The following GDF5 variants were observed in gnomAD, a reference collection of about 807,000 sequenced individuals.
GDF5 encodes the protein growth/differentiation factor 5.
A neutral mutation model predicts 34.6 loss-of-function variants in GDF5; 17 were observed. The ratio of observed to expected loss-of-function variants is 0.49; its 90% confidence interval spans 0.34 to 0.74. The LOEUF is 0.74. Among genes scored for constraint, GDF5 ranks in the 30% least tolerant of loss-of-function variants. The pLI is 0.01. For synonymous variants in GDF5, 332 were observed against 290.7 expected (o/e 1.14, Z -1.44); for missense variants, 616 against 661.2 (o/e 0.93, Z 0.75).
chr20:35,438,668 C>G (rs1005678228), upstream of GDF5, among the ~76,000 whole-genome samples: 3 of 152,198 alleles, frequency 2.0e-5, no homozygotes, highest in African/African-American at 7.2e-5. Flanking sequence ...CCTCATGGAG[C>G]AGCCCACCCC....
intron 1 of GDF5, among the ~76,000 whole-genome samples, chr20:35,452,711 C>T (rs865963147): frequency 2.7e-5 from 4 of 150,374 alleles, no homozygotes; most frequent in Admixed American, 6.6e-5. Context: ...CGTGAGCCAC[C>T]GCACCCGGCC....
rs2062451167 is a variant in GDF5, at chr20:35,433,377, C to CAATATACATTTAATAGATTA, written c.*531_*532insTAATCTATTAAATGTATATT. 1.6e-5 allele frequency: 5 copies of CAATATACATTTAATAGATTA among 317,638 alleles called. No homozygotes were observed. Among genetic ancestry groups the CAATATACATTTAATAGATTA allele is most frequent in the Non-Finnish European group, 2.5e-5 (4 of 160,636 alleles). The allele number at this position is 317,638 out of a possible 1,614,324, so 19.7% of individuals were successfully genotyped here. A position where few individuals can be genotyped will look rare whatever the true frequency, so the allele number is the denominator to read the frequency against. ...GGCACAGTTTTGCTTTTTATCTCAT[C>CAATATACATTTAATAGATTA]AATATACATTTAAATCTAACAGTCT... On this transcript the variant is annotated 3_prime_UTR_variant, in exon 2 of 2. Transcript: ENST00000374369.
At position 35,434,206 on chromosome 20, in the gene GDF5, C is replaced by A. The variant is rs150867739; in HGVS notation, c.1209G>T (p.Lys403Asn). 4.1e-5 allele frequency: 66 copies of A among 1,614,090 alleles called. No individual in the cohort carries two copies. The highest frequency in any genetic ancestry group is 5.4e-5 in the Non-Finnish European group (64 of 1,180,022). Residue 403 changes from lysine (K) to asparagine (N), a missense_variant, in exon 2 of 2, where the codon AAG (lysine) becomes AAT (asparagine). Physicochemically the swap from Lys to Asn is moderately conservative, Grantham distance 94. Coordinates refer to ENST00000374369, the MANE Select transcript of GDF5 (RefSeq NM_000557.5). Reference sequence around the variant, plus strand: ...TGTCCTTGAAGTTGACATGCAGTGCCTTCCGACTGCAGCGAGCCTTAAGGT... The same window carrying A: ...TGTCCTTGAAGTTGACATGCAGTGCATTCCGACTGCAGCGAGCCTTAAGGT... The part of the protein sequence containing the change: ...SKNLKARCSR[K>N]ALHVNFKDMG...
Position 35,437,875 on chromosome 20 carries a change from G to A in GDF5, c.54C>T (p.Asp18=), listed in dbSNP as rs2062481646. 1.9e-6 allele frequency: 3 copies of A among 1,614,026 alleles called. No homozygotes were observed. Among genetic ancestry groups the A allele is most frequent in the Non-Finnish European group, 2.5e-6 (3 of 1,180,032 alleles). Residue 18 remains aspartate, a synonymous_variant, in exon 1 of 2, where the codon GAC becomes GAT. Transcript: ENST00000374369. ...TFLLWYLAWL[D]LEFICTVLGA... is the part of the protein sequence containing the mutation. ...CCAACACAGTGCAGATGAATTCCAG[G>A]TCCAGCCAAGCCAGGTACCAAAGCA...
At chr20:35,438,898 T>C (rs543243989), upstream of GDF5, among the ~76,000 whole-genome samples, 370 of 151,904 alleles carry the variant, frequency 2.4e-3, no homozygotes, top group African/African-American at 8.5e-3. Context: ...TGTGTGTGTG[T>C]GCCTGTGTGT....
chr20:35,435,028 T>C (rs1389389004), intron 1 of GDF5: 2 of 632,674 alleles, frequency 3.2e-6, no homozygotes, highest in African/African-American at 1.8e-5. Context: ...TGCGTGATTC[T>C]GGTGTTTGTG....
At chr20:35,436,149 T>C (rs1186699363) in intron 1 of GDF5, among the ~76,000 whole-genome samples, 2 of 152,200 alleles carry the variant, frequency 1.3e-5, no homozygotes, top group African/African-American at 4.8e-5. Flanking sequence ...TATATTGCTC[T>C]AGAAGGTGAC....
At position 35,437,807 on chromosome 20, in the gene GDF5, C is replaced by A; in HGVS notation, c.122G>T (p.Gly41Val). Residue 41 changes from glycine to valine, a missense_variant, in exon 1 of 2, where the codon GGA becomes GTA. By Grantham distance (109) the Gly-to-Val change is moderately radical (BLOSUM62 -3). Coordinates refer to ENST00000374369, the MANE Select transcript of GDF5 (RefSeq NM_000557.5). ...CTCCTTGGCCTCTGCTTTGGCCAAT[C>A]CTGGCCTGGTCCCCTGGGGTCTCTG... is the stretch of plus-strand genomic sequence containing the variant. The part of the protein sequence containing the change: ...LGQRPQGTRP[G>V]LAKAEAKERP... The A allele has an allele frequency of 6.2e-7, 1 of 1,613,556 alleles. No individual in the cohort carries two copies. Among genetic ancestry groups the A allele is most frequent in the Non-Finnish European group, 8.5e-7 (1 of 1,179,708 alleles).
chr20:35,439,908 C>CTTTTT (rs34397706), upstream of GDF5, among the ~76,000 whole-genome samples: 53 of 71,678 alleles, frequency 7.4e-4, 3 homozygotes, highest in African/African-American at 1.6e-3. Flanking sequence ...AGGCTTCCTT[C>CTTTTT]TTTTTTTTTT....
At chr20:35,442,992 G>T (rs2062502838), upstream of GDF5, among the ~76,000 whole-genome samples, 1 of 152,228 alleles carries the variant, frequency 6.6e-6, no homozygotes, top group Non-Finnish European at 1.5e-5. Flanking sequence ...ACTGGGGAAA[G>T]TTACAGTATT....
chr20:35,448,445 C>G (rs563887806), intron 1 of GDF5, among the ~76,000 whole-genome samples: 1 of 117,652 alleles, frequency 8.5e-6, no homozygotes, highest in African/African-American at 3.0e-5. Context: ...AGGGCCCCCC[C>G]GACTTTTTTT....
chr20:35,453,445 A>G (rs2062544308), intron 1 of GDF5, among the ~76,000 whole-genome samples: 3 of 152,216 alleles, frequency 2.0e-5, no homozygotes, highest in Non-Finnish European at 1.5e-5. Context: ...TGAGGCAGAA[A>G]AGAGCTTGAT....
At chr20:35,444,738 G>A (rs984756829) in intron 1 of GDF5, among the ~76,000 whole-genome samples, 1 of 152,104 alleles carries the variant, frequency 6.6e-6, no homozygotes, top group African/African-American at 2.4e-5. Flanking sequence ...GGGATTACAG[G>A]TGCCCGTCAC....
chr20:35,451,896 G>T (rs2062535104), intron 1 of GDF5, among the ~76,000 whole-genome samples: 1 of 152,098 alleles, frequency 6.6e-6, no homozygotes, highest in African/African-American at 2.4e-5. Flanking sequence ...CTAGGGCAGG[G>T]GTTTCTAATC....
At chr20:35,452,750 C>A (rs1045322448) in intron 1 of GDF5, among the ~76,000 whole-genome samples, 1 of 149,180 alleles carries the variant, frequency 6.7e-6, no homozygotes, top group African/African-American at 2.4e-5. Context: ...AAAATATTGT[C>A]TAGTTTGCTA....
intron 1 of GDF5, among the ~76,000 whole-genome samples, chr20:35,449,954 A>G (rs1302736834): frequency 6.6e-6 from 1 of 150,938 alleles, no homozygotes; most frequent in African/African-American, 2.4e-5. Context: ...AAATCACTGC[A>G]CTCCAACCTG....
chr20:35,442,194 T>G (rs1414969127), upstream of GDF5, among the ~76,000 whole-genome samples: 1 of 152,206 alleles, frequency 6.6e-6, no homozygotes, highest in African/African-American at 2.4e-5. Flanking sequence ...TCACCCAGTC[T>G]GGAGTGCAGT....
intron 1 of GDF5, among the ~76,000 whole-genome samples, chr20:35,435,927 GGTGT>G (rs1418314747): frequency 6.6e-6 from 1 of 152,256 alleles, no homozygotes; most frequent in South Asian, 2.1e-4. Flanking sequence ...TATGTAAGAA[GGTGT>G]GTGTGCACAT....
chr20:35,451,080 T>TATATATATATATATATAA (rs2062531592), intron 1 of GDF5, among the ~76,000 whole-genome samples: 4 of 30,304 alleles, frequency 1.3e-4, no homozygotes, highest in Non-Finnish European at 2.6e-4. Flanking sequence ...TATATATATA[T>TATATATATATATATATAA]ATATATATAT....
Sources: gnomAD v4.1 joint callset for allele counts (sites outside exome capture counted in the v4.1 genomes callset) on GRCh38, gnomAD v4.1.1 for gene constraint, MANE v1.5 for transcripts, NCBI Gene and HGNC (gene_info 2026-07-23, HGNC 2026-07-21) for gene names.